The following DISP3 variants were observed in gnomAD, a reference collection of about 807,000 sequenced individuals.
The protein encoded by DISP3 is dispatched RND transporter family member 3.
DISP3 carries 101 observed loss-of-function variants against 135.3 expected under a neutral mutation model. The ratio of observed to expected loss-of-function variants is 0.75; its 90% CI spans 0.64 to 0.88. DISP3 has a LOEUF of 0.88. Among genes scored for constraint, DISP3 ranks in the 40% least tolerant of loss-of-function variants. DISP3 has a pLI of 0.00. For synonymous variants in DISP3, 856 were observed against 817.0 expected (o/e 1.05, Z -0.81); for missense variants, 1,713 against 1,878.6 (o/e 0.91, Z 1.63).
intron 1 of DISP3, among the ~76,000 whole-genome samples, chr1:11,487,225 CACCCTGGTCGGCAGCAGAGT>C (rs1360356315): frequency 6.6e-5 from 10 of 152,308 alleles, no homozygotes; most frequent in Admixed American, 3.9e-4. Flanking sequence ...GCTGAGAAGC[CACCCTGGTCGGCAGCAGAGT>C]GCCCTGAGTC....
chr1:11,507,520 T>A (rs79930610), intron 3 of DISP3, among the ~76,000 whole-genome samples: 2,528 of 152,364 alleles, frequency 0.017, 29 homozygotes, highest in Non-Finnish European at 0.026. Flanking sequence ...GTTCTGCTGA[T>A]CTGCAAGTGT....
rs1641505546 is a variant in DISP3 at position 11,501,243 on chromosome 1, T to A, written c.251T>A (p.Ile84Asn). Residue 84 changes from isoleucine (I) to asparagine (N), a missense_variant, in exon 2 of 21, where the codon ATC becomes AAC. Ile to Asn is a moderately radical substitution (Grantham distance 149). Around this residue, in one of 2 missense-constraint regions of DISP3, gnomAD observed 571 missense variants for 494.1 expected, o/e 1.16. Transcript: ENST00000294484. This position sits in a 1 kb window ranked among gnomAD's most constrained non-coding sequence, Gnocchi z 4.9. ...CTGGTGCTCTTCCTGGGCTGCAGCA[T>A]CCCCATGGCCCTGTCAGCCTTCATG... is the stretch of plus-strand genomic sequence containing the variant. ...AGLVLFLGCS[I>N]PMALSAFMFL... The A allele has an allele frequency of 1.2e-6, 2 of 1,614,140 alleles. No homozygotes were observed. The highest frequency in any genetic ancestry group is 1.7e-6 in the Non-Finnish European group (2 of 1,180,030).
chr1:11,531,347 A>G lies in DISP3; in HGVS notation c.3230-218A>G, dbSNP rs866058230. Among the ~76,000 whole-genome samples, 42 of 152,130 alleles carry G rather than the reference A, an allele frequency of 2.8e-4. No individual in the cohort carries two copies. The highest frequency in any genetic ancestry group is 8.9e-4 in the African/African-American group (37 of 41,420). ...GGGCCAGGGGCTGGCCCCACAGCCA[A>G]TGTGGATGAGGTCACCACCGGGGTG... On this transcript the variant is annotated intron_variant, in intron 16 of 20. Coordinates refer to ENST00000294484, the MANE Select transcript of DISP3 (RefSeq NM_020780.2). The surrounding 1 kb of genome is among the most constrained non-coding windows in gnomAD (Gnocchi z 5.2).
rs369386583 is a variant in DISP3 at position 11,522,716 on chromosome 1, G to A, written c.2363-1226G>A. Among the ~76,000 whole-genome samples the A allele has an allele frequency of 3.7e-3, 180 of 48,524 alleles. 1 individual carries two copies. The highest frequency in any genetic ancestry group is 4.8e-3 in the Admixed American group (20 of 4,124). The allele number at this position is 48,524 out of a possible 152,430, so 31.8% of individuals were successfully genotyped here. A position where few individuals can be genotyped will look rare whatever the true frequency, so the allele number is the denominator to read the frequency against. The stretch of plus-strand genomic sequence containing the variant: ...CAGGGCCCAGCCAGGACCCAGCCAG[G>A]GCCCAGCCAGGGCCCAGCCAGGGCC... On this transcript the variant is annotated intron_variant, in intron 10 of 20. Transcript: ENST00000294484.
chr1:11,481,038 T>TTCTCTCTCTCTC (rs368929945), intron 1 of DISP3, among the ~76,000 whole-genome samples: 2 of 129,846 alleles, frequency 1.5e-5, no homozygotes, highest in South Asian at 2.6e-4. Flanking sequence ...TCCCCCAGGT[T>TTCTCTCTCTCTC]TCTCTCTCTC....
At chr1:11,515,325 T>C in intron 4 of DISP3, 44 bp from the exon 5 acceptor site, 2 of 1,611,710 alleles carry the variant, frequency 1.2e-6, no homozygotes, top group Non-Finnish European at 1.7e-6. Context: ...TTGTGTCCCA[T>C]GAGGGTCCCC....
rs776887978 is a variant in DISP3 at position 11,501,136 on chromosome 1, C to T, written c.144C>T (p.His48=). 1.2e-6 allele frequency: 2 copies of T among 1,613,880 alleles called. No homozygotes were observed. The highest frequency in any genetic ancestry group is 2.2e-5 in the East Asian group (1 of 44,868). ...CAGGGGGACAGTGTTGCTGGCGGCA[C>T]TGGCCCCTGGCTTCCCGACCCCCAG... ...PGAGGQCCWR[H]WPLASRPPAS... is the part of the protein sequence containing the mutation. Residue 48 remains histidine, a synonymous_variant, in exon 2 of 21, where the codon CAC becomes CAT. Transcript: ENST00000294484. This position sits in a 1 kb window ranked among gnomAD's most constrained non-coding sequence, Gnocchi z 4.9.
Position 11,529,621 on chromosome 1 carries a change from G to T in DISP3, c.2864G>T (p.Gly955Val). The T allele has an allele frequency of 6.2e-7, 1 of 1,608,946 alleles. No individual in the cohort carries two copies. Among genetic ancestry groups the T allele is most frequent in the South Asian group, 1.1e-5 (1 of 90,962 alleles). The change falls in exon 14 of 21, where the codon GGC becomes GTC. Residue 955 changes from glycine to valine, a missense_variant. By Grantham distance (109) the Gly-to-Val change is moderately radical. Coordinates refer to ENST00000294484, the MANE Select transcript of DISP3 (RefSeq NM_020780.2). This position sits in a 1 kb window ranked among gnomAD's most constrained non-coding sequence, Gnocchi z 4.7. Reference sequence around the variant, plus strand: ...GGGCGCGTATGCATGGCACCCCCTGGCTGCCTGCTTAGCTCCAGCCCCGAT... The same window carrying T: ...GGGCGCGTATGCATGGCACCCCCTGTCTGCCTGCTTAGCTCCAGCCCCGAT... ...FHGRVCMAPP[G>V]CLLSSSPDGP... is the part of the protein sequence containing the mutation.
chr1:11,519,617 C>A lies in DISP3; in HGVS notation c.2039-102C>A. 1 of 1,570,090 alleles carries A rather than the reference C, an allele frequency of 6.4e-7. No individual in the cohort carries two copies. Among genetic ancestry groups the A allele is most frequent in the Non-Finnish European group, 8.6e-7 (1 of 1,157,186 alleles). On this transcript the variant is annotated intron_variant, in intron 8 of 20. Coordinates refer to ENST00000294484, the MANE Select transcript of DISP3 (RefSeq NM_020780.2). The surrounding 1 kb of genome is among the most constrained non-coding windows in gnomAD (Gnocchi z 4.3). ...GAGGCTGGGGGCCGGACAAGATGGC[C>A]TGTGGGCTTCCTCACCAGGCATCTG...
intron 1 of DISP3, among the ~76,000 whole-genome samples, chr1:11,492,244 G>A (rs1641208896): frequency 6.6e-6 from 1 of 151,862 alleles, no homozygotes; most frequent in South Asian, 2.1e-4. Context: ...GTCGGGTTCT[G>A]TCCCACTGAG....
intron 3 of DISP3, among the ~76,000 whole-genome samples, chr1:11,507,391 C>T (rs1312254859): frequency 2.0e-5 from 3 of 152,216 alleles, no homozygotes; most frequent in Non-Finnish European, 2.9e-5. Flanking sequence ...AAAAAAATCA[C>T]AACAAAGACA....
intron 1 of DISP3, among the ~76,000 whole-genome samples, chr1:11,500,482 T>C (rs1641472662): frequency 6.6e-6 from 1 of 152,336 alleles, no homozygotes; most frequent in African/African-American, 2.4e-5. Context: ...CTGATACTCA[T>C]ACTGCCAGGA....
At chr1:11,479,834 C>T (rs1271858200) in intron 1 of DISP3, among the ~76,000 whole-genome samples, 1 of 152,190 alleles carries the variant, frequency 6.6e-6, no homozygotes, top group Non-Finnish European at 1.5e-5. Context: ...CCTCCACCCA[C>T]TCCCTACCTA....
At position 11,536,711 on chromosome 1, in the gene DISP3, C is replaced by A. The variant is rs1274135506; in HGVS notation, c.*25C>A. The A allele has an allele frequency of 1.3e-6, 2 of 1,501,796 alleles. No homozygotes were observed. The highest frequency in any genetic ancestry group is 1.3e-5 in the South Asian group (1 of 76,246). The allele number at this position is 1,501,796 out of a possible 1,614,324, so 93.0% of individuals were successfully genotyped here. On this transcript the variant is annotated 3_prime_UTR_variant, in exon 21 of 21. Transcript: ENST00000294484. This position sits in a 1 kb window ranked among gnomAD's most constrained non-coding sequence, Gnocchi z 4.3. The stretch of plus-strand genomic sequence containing the variant: ...GCCCGGGACGGGCTCTGGACACTTG[C>A]ACCTTTGGTCCCATGGGTGGGGGAC...
Position 11,533,420 on chromosome 1 carries a change from T to C in DISP3, c.3376-961T>C, listed in dbSNP as rs574140674. 8.6e-5 allele frequency among the ~76,000 whole-genome samples: 13 copies of C among 151,926 alleles called. No individual in the cohort carries two copies. In the South Asian group the frequency reaches 2.1e-3, roughly 24 times the overall value. On this transcript the variant is annotated intron_variant, in intron 17 of 20. Coordinates refer to ENST00000294484, the MANE Select transcript of DISP3 (RefSeq NM_020780.2). ...ACAAGTGTGCGCCACCACACCTGGC[T>C]AATTTTTTGTATTTTCAGTAGAGAC... is the stretch of plus-strand genomic sequence containing the variant.
At chr1:11,492,783 A>G (rs980968278) in intron 1 of DISP3, among the ~76,000 whole-genome samples, 1 of 152,212 alleles carries the variant, frequency 6.6e-6, no homozygotes, top group Non-Finnish European at 1.5e-5. Context: ...TGATAGATTC[A>G]GGATCTTCTT....
chr1:11,517,678 C>G, intron 7 of DISP3, 76 bp downstream of exon 7: 2 of 1,547,060 alleles, frequency 1.3e-6, no homozygotes, highest in Non-Finnish European at 1.8e-6. Flanking sequence ...GCAGCAACCT[C>G]TCTTCCAAAA....
At position 11,519,826 on chromosome 1, in the gene DISP3, C is replaced by T. The variant is rs1557612627; in HGVS notation, c.2146C>T (p.Leu716=). The part of the protein sequence containing the change: ...RGHLIVQLQE[L]LHHWVLWSAV... The stretch of plus-strand genomic sequence containing the variant: ...CCATCTCATCGTGCAGCTGCAGGAG[C>T]TGCTGCACCACTGGGTCCTGTGGTC... The change falls in exon 9 of 21, where the codon CTG becomes TTG. Residue 716 remains leucine (L), a synonymous_variant. Transcript: ENST00000294484. The surrounding 1 kb of genome is among the most constrained non-coding windows in gnomAD (Gnocchi z 4.3). 1.2e-6 allele frequency: 2 copies of T among 1,612,704 alleles called. No homozygotes were observed. Among genetic ancestry groups the T allele is most frequent in the Admixed American group, 1.7e-5 (1 of 60,014 alleles).
At chr1:11,527,811 C>T (rs185443048) in intron 13 of DISP3, among the ~76,000 whole-genome samples, 147 of 152,280 alleles carry the variant, frequency 9.7e-4, no homozygotes, top group Non-Finnish European at 1.7e-3. Flanking sequence ...TGTGAGACAA[C>T]TTCTCAAGAT....
Sources: gnomAD v4.1 joint callset for allele counts (sites outside exome capture counted in the v4.1 genomes callset) on GRCh38, gnomAD v4.1.1 for gene constraint, gnomAD v4.1.1 regional missense constraint, Gnocchi (gnomAD v3.1) non-coding constraint, MANE v1.5 for transcripts, NCBI Gene and HGNC (gene_info 2026-07-23, HGNC 2026-07-21) for gene names.